VWC2L: variants seen among roughly 807,000 people sequenced by gnomAD.
The protein encoded by VWC2L is von Willebrand factor C domain containing 2 like.
In VWC2L, 10 loss-of-function variants were observed where a neutral mutation model predicts 21.6. The observed-to-expected ratio is 0.46, with a 90% CI of 0.29 to 0.78. The LOEUF (loss-of-function observed/expected upper bound fraction) is 0.78, where lower values mean the gene tolerates loss of function less well. VWC2L is among the 30% of genes least tolerant of loss of function. The probability of loss-of-function intolerance (pLI) is 0.10; values close to 1 mark genes in which losing one functional copy is unlikely to be tolerated. For missense variants in VWC2L, 209 were observed against 277.1 expected (o/e 0.75, Z 1.74); for synonymous variants, 96 against 94.3 (o/e 1.02, Z -0.10).
intron 3 of VWC2L, among the ~76,000 whole-genome samples, chr2:214,575,329 G>T (rs1164376171): frequency 6.6e-6 from 1 of 152,128 alleles, no homozygotes; most frequent in Non-Finnish European, 1.5e-5. Flanking sequence ...CAGAGCATAC[G>T]CTGGCAGCCT....
chr2:214,441,999 C>T (rs1023139068), intron 3 of VWC2L, among the ~76,000 whole-genome samples: 2 of 151,622 alleles, frequency 1.3e-5, no homozygotes, highest in Non-Finnish European at 2.9e-5. Context: ...GCAACCTCCG[C>T]ATCCTGGGTT....
chr2:214,500,149 C>T (rs929761675), intron 3 of VWC2L, among the ~76,000 whole-genome samples: 5 of 152,180 alleles, frequency 3.3e-5, no homozygotes, highest in African/African-American at 1.2e-4. Context: ...CATAAGAAAC[C>T]TCTGCCACAT....
chr2:214,428,787 T>C (rs76151836), intron 2 of VWC2L, among the ~76,000 whole-genome samples: 2,179 of 128,444 alleles, frequency 0.017, 59 homozygotes, highest in African/African-American at 0.058. Context: ...TTTCAATTTT[T>C]AGAAAATCTT....
intron 3 of VWC2L, among the ~76,000 whole-genome samples, chr2:214,474,444 G>A (rs7579540): frequency 0.033 from 5,016 of 152,154 alleles, 272 homozygotes; most frequent in African/African-American, 0.11. Context: ...TGAGAGTTAC[G>A]TGTGTGTGCA....
Position 214,578,625 on chromosome 2 carries a change from G to C in VWC2L, c.*2805G>C, listed in dbSNP as rs2105937874. On this transcript the variant is annotated 3_prime_UTR_variant, in exon 4 of 4. Coordinates refer to ENST00000312504, the MANE Select transcript of VWC2L (RefSeq NM_001080500.4). The stretch of plus-strand genomic sequence containing the variant: ...CCAGGTCATTGAGAAATTCTTTCCA[G>C]ACTCTGAACAACAGAGCTCTGGTCT... 2 of 152,180 alleles carry C rather than the reference G, an allele frequency of 1.3e-5. No individual in the cohort carries two copies. The highest frequency in any genetic ancestry group is 1.3e-4 in the Admixed American group (2 of 15,274). 9.4% of individuals were successfully genotyped at this position (152,180 alleles called of 1,614,324 possible).
At chr2:214,430,721 A>T (rs999211799) in intron 2 of VWC2L, among the ~76,000 whole-genome samples, 1 of 152,236 alleles carries the variant, frequency 6.6e-6, no homozygotes, top group Non-Finnish European at 1.5e-5. Flanking sequence ...TGTATTATCA[A>T]AATACAAACT....
intron 3 of VWC2L, among the ~76,000 whole-genome samples, chr2:214,499,518 GT>G (rs1317227760): frequency 1.5e-4 from 20 of 132,370 alleles, no homozygotes; most frequent in East Asian, 2.6e-4. Flanking sequence ...GGGGGGAGGG[GT>G]GGAGGGATAG....
chr2:214,427,199 T>C (rs1055413033), intron 2 of VWC2L, among the ~76,000 whole-genome samples: 4 of 152,190 alleles, frequency 2.6e-5, no homozygotes, highest in South Asian at 2.1e-4. Context: ...TGCTCTCTCC[T>C]AAATATGACA....
chr2:214,498,871 C>A (rs1191534544), intron 3 of VWC2L, among the ~76,000 whole-genome samples: 1 of 151,194 alleles, frequency 6.6e-6, no homozygotes, highest in Non-Finnish European at 1.5e-5. Flanking sequence ...CATTGTAAAC[C>A]ATTGTCTTAT....
chr2:214,452,140 T>C (rs1233257671), intron 3 of VWC2L, among the ~76,000 whole-genome samples: 1 of 152,138 alleles, frequency 6.6e-6, no homozygotes, highest in African/African-American at 2.4e-5. Context: ...TCTCTTTTGT[T>C]TGTTTTTGGC....
chr2:214,568,079 ACT>A (rs1425925448), intron 3 of VWC2L, among the ~76,000 whole-genome samples: 2 of 152,124 alleles, frequency 1.3e-5, no homozygotes, highest in African/African-American at 2.4e-5. Context: ...TGAAATTTAA[ACT>A]CTCTTATTGT....
chr2:214,447,690 G>A (rs1275383457), intron 3 of VWC2L, among the ~76,000 whole-genome samples: 1 of 152,098 alleles, frequency 6.6e-6, no homozygotes, highest in Non-Finnish European at 1.5e-5. Context: ...AGCCTAGAAG[G>A]CCTCTAGAAG....
intron 3 of VWC2L, among the ~76,000 whole-genome samples, chr2:214,493,760 G>A (rs1688775442): frequency 6.6e-6 from 1 of 152,206 alleles, no homozygotes; most frequent in Non-Finnish European, 1.5e-5. Flanking sequence ...GGGAGGCAGA[G>A]TGTGTGGAGA....
chr2:214,566,717 A>C (rs1399259614), intron 3 of VWC2L, among the ~76,000 whole-genome samples: 1 of 152,186 alleles, frequency 6.6e-6, no homozygotes, highest in Non-Finnish European at 1.5e-5. Flanking sequence ...CGCTCTTCCC[A>C]GGCACCAAAA....
chr2:214,574,828 G>A (rs1690203386), intron 3 of VWC2L, among the ~76,000 whole-genome samples: 1 of 151,576 alleles, frequency 6.6e-6, no homozygotes, highest in Non-Finnish European at 1.5e-5. Flanking sequence ...TCCTACGTTG[G>A]GAAGGTCAAA....
At chr2:214,436,549 T>C in intron 2 of VWC2L, 80 bp from the exon 3 acceptor site, 2 of 1,520,572 alleles carry the variant, frequency 1.3e-6, no homozygotes, top group Non-Finnish European at 1.8e-6. Context: ...TAAGCACTGA[T>C]GTTTTGTCTT....
intron 2 of VWC2L, among the ~76,000 whole-genome samples, chr2:214,431,136 G>A (rs1702596006): frequency 6.6e-6 from 1 of 152,164 alleles, no homozygotes; most frequent in Non-Finnish European, 1.5e-5. Context: ...AGTGGCAGTG[G>A]ATGCTAAATA....
At chr2:214,564,866 C>T (rs899226343) in intron 3 of VWC2L, among the ~76,000 whole-genome samples, 2 of 152,120 alleles carry the variant, frequency 1.3e-5, no homozygotes, top group African/African-American at 4.8e-5. Flanking sequence ...TTATCCTACA[C>T]ATCTCCTCCC....
chr2:214,457,335 T>C (rs1036894192), intron 3 of VWC2L, among the ~76,000 whole-genome samples: 2 of 152,124 alleles, frequency 1.3e-5, no homozygotes, highest in Non-Finnish European at 2.9e-5. Flanking sequence ...TGTTGGTGTA[T>C]AGAAACACTA....
Sources: allele counts gnomAD v4.1 joint callset (sites outside exome capture counted in the v4.1 genomes callset), GRCh38; gene constraint gnomAD v4.1.1; transcripts MANE v1.5; gene names NCBI Gene and HGNC (gene_info 2026-07-23, HGNC 2026-07-21).